CACNA1C: variants seen among roughly 807,000 people sequenced by gnomAD.
CACNA1C encodes the protein voltage-dependent L-type calcium channel subunit alpha-1C.
In CACNA1C, 30 loss-of-function variants were observed where a neutral mutation model predicts 229.0. That is an observed-to-expected ratio of 0.13 (90% CI 0.10 to 0.18). CACNA1C has a LOEUF of 0.18. CACNA1C is among the 10% of genes least tolerant of loss of function. The pLI is 1.00. For missense variants in CACNA1C, 1,658 were observed against 2,845.0 expected, an observed-to-expected ratio of 0.58 and a Z score of 9.49; for synonymous variants, 1,114 against 1,132.5, an observed-to-expected ratio of 0.98 and a Z score of 0.33.
At chr12:2,061,824 G>C (rs1313186543) in intron 1 of CACNA1C, among the ~76,000 whole-genome samples, 1 of 152,226 alleles carries the variant, frequency 6.6e-6, no homozygotes, top group Non-Finnish European at 1.5e-5. Flanking sequence ...CAGTACAGGA[G>C]GACGGGCTGG....
intron 1 of CACNA1C, among the ~76,000 whole-genome samples, chr12:2,027,782 G>A (rs1441027814): frequency 6.6e-6 from 1 of 152,198 alleles, no homozygotes; most frequent in Non-Finnish European, 1.5e-5. Context: ...GGAAATATCA[G>A]TATGAAGTTT....
chr12:2,621,172 T>C (rs1359769154), intron 29 of CACNA1C, among the ~76,000 whole-genome samples: 1 of 152,182 alleles, frequency 6.6e-6, no homozygotes, highest in African/African-American at 2.4e-5. Flanking sequence ...GTACCATCTT[T>C]ATAGGGCTCA....
chr12:1,995,194 T>C (rs1416983075), intron 1 of CACNA1C, among the ~76,000 whole-genome samples: 1 of 151,962 alleles, frequency 6.6e-6, no homozygotes, highest in African/African-American at 2.4e-5. Flanking sequence ...AATATTTGTA[T>C]GATTTGTTCC....
chr12:2,560,260 G>T (rs1311300412), intron 11 of CACNA1C, among the ~76,000 whole-genome samples: 1 of 152,230 alleles, frequency 6.6e-6, no homozygotes, highest in Admixed American at 6.5e-5. Flanking sequence ...CGTTTTCAAA[G>T]TATTCCTGAT....
intron 29 of CACNA1C, among the ~76,000 whole-genome samples, chr12:2,625,040 G>A (rs1041314502): frequency 4.6e-5 from 7 of 152,212 alleles, no homozygotes; most frequent in African/African-American, 1.7e-4. Flanking sequence ...CGGGTGCCAC[G>A]CAGTGCTCCT....
intron 3 of CACNA1C, among the ~76,000 whole-genome samples, chr12:2,270,941 T>C (rs2084684998): frequency 1.3e-5 from 2 of 152,008 alleles, no homozygotes; most frequent in Admixed American, 6.5e-5. Flanking sequence ...AAAGGGGAGA[T>C]GAAGGGTGTC....
At position 2,054,779 on chromosome 12, in the gene CACNA1C, T is replaced by G. The variant is rs2054002429; in HGVS notation, c.49+1168T>G. ...TCCCAGAGCCTCCCTGTTTGCACTC[T>G]TCCTCTTCTCTTCCCCTGAAAGCCT... On this transcript the variant is annotated intron_variant, in intron 1 of 46. Transcript: ENST00000399655. This position sits in a 1 kb window ranked among gnomAD's most constrained non-coding sequence, Gnocchi z 5.5. Among the ~76,000 whole-genome samples the G allele has an allele frequency of 6.6e-6, 1 of 152,214 alleles. No homozygotes were observed. Among genetic ancestry groups the G allele is most frequent in the Non-Finnish European group, 1.5e-5 (1 of 68,036 alleles).
At chr12:2,379,634 G>A (rs945008486) in intron 3 of CACNA1C, among the ~76,000 whole-genome samples, 4 of 152,086 alleles carry the variant, frequency 2.6e-5, no homozygotes, top group African/African-American at 7.2e-5. Flanking sequence ...GCCCTGAGAC[G>A]TAAGTAACTG....
chr12:2,285,328 A>G lies in CACNA1C; in HGVS notation c.478-163648A>G, dbSNP rs78525694. ...GAACATTTACACCACAAAAACTGGC[A>G]TATGCTACACCCAGAGCTTTCCTTC... On this transcript the variant is annotated intron_variant, in intron 3 of 46. Coordinates refer to ENST00000399655, the MANE Select transcript of CACNA1C (RefSeq NM_000719.7). This position sits in a 1 kb window ranked among gnomAD's most constrained non-coding sequence, Gnocchi z 4.2. Among the ~76,000 whole-genome samples, 8,028 of 152,274 alleles carry G rather than the reference A, an allele frequency of 0.053. 265 individuals carry two copies. The highest frequency in any genetic ancestry group is 0.077 in the African/African-American group (3,218 of 41,528).
chr12:2,018,940 TA>T (rs527349646), intron 1 of CACNA1C, among the ~76,000 whole-genome samples: 3,955 of 151,878 alleles, frequency 0.026, 84 homozygotes, highest in Middle Eastern at 0.044. Flanking sequence ...AAGGTTTTAA[TA>T]AAAAAAACAT....
At chr12:2,116,034 G>T (rs1048912133) in intron 2 of CACNA1C, among the ~76,000 whole-genome samples, 1 of 152,054 alleles carries the variant, frequency 6.6e-6, no homozygotes, top group African/African-American at 2.4e-5. Context: ...GAGCGTAGTG[G>T]TCAGGGCCCC....
intron 3 of CACNA1C, among the ~76,000 whole-genome samples, chr12:2,366,796 A>T (rs2097732355): frequency 1.3e-5 from 2 of 152,196 alleles, no homozygotes; most frequent in Admixed American, 1.3e-4. Flanking sequence ...GCTGTACAGG[A>T]AGCATGGCCT....
intron 5 of CACNA1C, among the ~76,000 whole-genome samples, chr12:2,470,894 A>G (rs1218653463): frequency 6.6e-6 from 1 of 151,118 alleles, no homozygotes; most frequent in African/African-American, 2.4e-5. Context: ...CTGCATTGTC[A>G]AGATCTCGGC....
chr12:2,406,733 T>G (rs1321952592), intron 3 of CACNA1C, among the ~76,000 whole-genome samples: 2 of 152,246 alleles, frequency 1.3e-5, no homozygotes, highest in Non-Finnish European at 2.9e-5. Context: ...TAAACATTTT[T>G]GTCAGATAAT....
intron 3 of CACNA1C, among the ~76,000 whole-genome samples, chr12:2,364,385 A>G (rs1400171906): frequency 6.6e-6 from 1 of 152,174 alleles, no homozygotes; most frequent in African/African-American, 2.4e-5. Context: ...CCAGTGGGAG[A>G]GGCTGGGAGT....
At chr12:2,350,853 C>T (rs1593682033) in intron 3 of CACNA1C, among the ~76,000 whole-genome samples, 1 of 152,354 alleles carries the variant, frequency 6.6e-6, no homozygotes. Flanking sequence ...TTTATTCTTC[C>T]ACCTGACTCA....
intron 9 of CACNA1C, among the ~76,000 whole-genome samples, chr12:2,533,101 C>T (rs776805345): frequency 4.6e-5 from 7 of 152,174 alleles, no homozygotes; most frequent in Non-Finnish European, 7.4e-5. Context: ...TCAGACTCAG[C>T]CTTGAGAGGA....
Position 2,512,418 on chromosome 12 carries a change from G to A in CACNA1C, c.1218-394G>A, listed in dbSNP as rs2099786625. ...ACTACCACTCAATACTGGGTGGGATGGAAATGCATGTTCTGGAATGGTGGT... is the reference window on the plus strand; with the variant it reads ...ACTACCACTCAATACTGGGTGGGATAGAAATGCATGTTCTGGAATGGTGGT... On this transcript the variant is annotated intron_variant, in intron 8 of 46. Transcript: ENST00000399655. The surrounding 1 kb of genome is among the most constrained non-coding windows in gnomAD (Gnocchi z 4.3). 6.6e-6 allele frequency among the ~76,000 whole-genome samples: 1 copy of A among 152,152 alleles called. No homozygotes were observed. Among genetic ancestry groups the A allele is most frequent in the South Asian group, 2.1e-4 (1 of 4,820 alleles).
At chr12:2,622,103 G>A (rs1215905447) in intron 29 of CACNA1C, among the ~76,000 whole-genome samples, 1 of 152,148 alleles carries the variant, frequency 6.6e-6, no homozygotes, top group East Asian at 1.9e-4. Flanking sequence ...AATGAGGGGT[G>A]GAGAAGAAAA....
Sources: allele counts gnomAD v4.1 joint callset (sites outside exome capture counted in the v4.1 genomes callset), GRCh38; gene constraint gnomAD v4.1.1; non-coding constraint Gnocchi (gnomAD v3.1); transcripts MANE v1.5; gene names NCBI Gene and HGNC (gene_info 2026-07-23, HGNC 2026-07-21).